GABRA2: variants seen among roughly 807,000 people sequenced by gnomAD.
GABRA2 encodes gamma-aminobutyric acid type A receptor subunit alpha2.
A neutral mutation model predicts 48.7 loss-of-function variants in GABRA2; 16 were observed. The ratio of observed to expected loss-of-function variants is 0.33; its 90% CI spans 0.22 to 0.50. GABRA2 has a LOEUF of 0.50. GABRA2 is among the 20% of genes least tolerant of loss of function. The pLI is 0.98. For synonymous variants in GABRA2, 185 were observed against 184.5 expected (o/e 1.00, Z -0.02); for missense variants, 275 against 535.6 (o/e 0.51, Z 4.80).
intron 8 of GABRA2, among the ~76,000 whole-genome samples, chr4:46,272,724 C>T (rs1046595501): frequency 6.6e-6 from 1 of 151,810 alleles, no homozygotes. Flanking sequence ...ATCCCAGGAA[C>T]ATGGTGAAGC....
intron 3 of GABRA2, among the ~76,000 whole-genome samples, chr4:46,353,300 A>G (rs1264351347): frequency 6.6e-6 from 1 of 152,034 alleles, no homozygotes; most frequent in Non-Finnish European, 1.5e-5. Flanking sequence ...ACCCTGGTCC[A>G]AGCCACCACT....
At chr4:46,324,216 G>C (rs1266336577) in intron 4 of GABRA2, among the ~76,000 whole-genome samples, 1 of 151,880 alleles carries the variant, frequency 6.6e-6, no homozygotes, top group Admixed American at 6.6e-5. Context: ...TACCGTAATA[G>C]ATGACACAAT....
chr4:46,315,964 C>T (rs1036924762), intron 4 of GABRA2, among the ~76,000 whole-genome samples: 9 of 150,598 alleles, frequency 6.0e-5, no homozygotes, highest in East Asian at 2.0e-4. Context: ...CACACACACA[C>T]ATATATATAT....
chr4:46,352,636 G>T (rs1346957242), intron 3 of GABRA2, among the ~76,000 whole-genome samples: 1 of 151,972 alleles, frequency 6.6e-6, no homozygotes, highest in East Asian at 1.9e-4. Flanking sequence ...CCACATAAGA[G>T]AAATTTTAGA....
intron 8 of GABRA2, among the ~76,000 whole-genome samples, chr4:46,295,790 C>T (rs1046814974): frequency 2.0e-5 from 3 of 152,282 alleles, no homozygotes; most frequent in Admixed American, 6.5e-5. Context: ...ATGGAAAGGG[C>T]AGATGTTTGT....
chr4:46,311,259 C>T lies in GABRA2; in HGVS notation c.477-1004G>A, dbSNP rs1727599313. On this transcript the variant is annotated intron_variant, in intron 5 of 9. Coordinates refer to ENST00000381620, the MANE Select transcript of GABRA2 (RefSeq NM_000807.4). The stretch of plus-strand genomic sequence containing the variant: ...CTAGCACTTCCATTTAGGCAATGAA[C>T]ATTTAGTAATGAGTCCTCAAGAAAT... 1.3e-5 allele frequency among the ~76,000 whole-genome samples: 2 copies of T among 152,086 alleles called. 1 individual carries two copies. Among genetic ancestry groups the T allele is most frequent in the East Asian group, 3.9e-4 (2 of 5,188 alleles).
At chr4:46,386,743 T>A (rs1717514999) in intron 2 of GABRA2, 1 of 153,890 alleles carries the variant, frequency 6.5e-6, no homozygotes, top group African/African-American at 2.4e-5. Context: ...AAGTGCAATA[T>A]AAGCATCAGG....
chr4:46,303,656 T>G, intron 7 of GABRA2, 44 bp from the exon 8 acceptor site: 1 of 1,556,684 alleles, frequency 6.4e-7, no homozygotes, highest in Non-Finnish European at 8.8e-7. Context: ...TAGTCAATAC[T>G]TTGAACATTT....
intron 4 of GABRA2, among the ~76,000 whole-genome samples, chr4:46,323,727 A>G (rs1035871126): frequency 6.6e-6 from 1 of 151,636 alleles, no homozygotes; most frequent in Non-Finnish European, 1.5e-5. Flanking sequence ...GCCTGTGTAC[A>G]ACATCATTAA....
At chr4:46,327,638 A>T (rs279844) in intron 4 of GABRA2, among the ~76,000 whole-genome samples, 69,885 of 151,808 alleles carry the variant, frequency 0.46, 16,227 homozygotes, top group East Asian at 0.56. Flanking sequence ...AGATATTAAA[A>T]CTCACAACTC....
chr4:46,257,318 G>A (rs1716035451), intron 9 of GABRA2, among the ~76,000 whole-genome samples: 1 of 151,654 alleles, frequency 6.6e-6, no homozygotes, highest in Non-Finnish European at 1.5e-5. Flanking sequence ...AGCAGAAGAA[G>A]AGGTATTATT....
At chr4:46,264,824 A>C (rs1240428592) in intron 8 of GABRA2, among the ~76,000 whole-genome samples, 1 of 151,468 alleles carries the variant, frequency 6.6e-6, no homozygotes, top group East Asian at 1.9e-4. Flanking sequence ...ATATTTTCTT[A>C]ATTGGAAGAT....
chr4:46,384,180 C>T (rs924907850), intron 3 of GABRA2, among the ~76,000 whole-genome samples: 15 of 152,154 alleles, frequency 9.9e-5, no homozygotes, highest in Middle Eastern at 3.2e-3. Context: ...GTTCCTTCCA[C>T]TATCCCTCGC....
intron 4 of GABRA2, among the ~76,000 whole-genome samples, chr4:46,322,068 A>G (rs552106875): frequency 1.4e-4 from 21 of 152,114 alleles, no homozygotes; most frequent in African/African-American, 5.1e-4. Context: ...GTAAAAATGT[A>G]TGTTCCCGTT....
intron 3 of GABRA2, among the ~76,000 whole-genome samples, chr4:46,343,991 G>C (rs1009598050): frequency 1.4e-4 from 22 of 151,848 alleles, no homozygotes; most frequent in African/African-American, 5.1e-4. Flanking sequence ...GAGGATTAAG[G>C]CTTGACAGGA....
chr4:46,378,324 T>C (rs1467816732), intron 3 of GABRA2, among the ~76,000 whole-genome samples: 5 of 152,088 alleles, frequency 3.3e-5, no homozygotes, highest in South Asian at 2.1e-4. Context: ...AGAAAAATTC[T>C]TCTGCCTTGG....
At chr4:46,358,632 A>G (rs1490539943) in intron 3 of GABRA2, among the ~76,000 whole-genome samples, 1 of 152,152 alleles carries the variant, frequency 6.6e-6, no homozygotes, top group Admixed American at 6.5e-5. Flanking sequence ...CAGGGATCAC[A>G]TGTTTGCTGG....
At chr4:46,345,474 C>A (rs1348532016) in intron 3 of GABRA2, among the ~76,000 whole-genome samples, 1 of 151,720 alleles carries the variant, frequency 6.6e-6, no homozygotes, top group Non-Finnish European at 1.5e-5. Flanking sequence ...AGTTTATGTT[C>A]CTGAGAGCAA....
intron 3 of GABRA2, among the ~76,000 whole-genome samples, chr4:46,341,246 T>C (rs1029800210): frequency 6.6e-6 from 1 of 152,062 alleles, no homozygotes; most frequent in Non-Finnish European, 1.5e-5. Context: ...CAACTTATAT[T>C]GATTCCAGTT....
Sources: allele counts gnomAD v4.1 joint callset (sites outside exome capture counted in the v4.1 genomes callset), GRCh38; gene constraint gnomAD v4.1.1; transcripts MANE v1.5; gene names NCBI Gene and HGNC (gene_info 2026-07-23, HGNC 2026-07-21).